Variants in FERMT1 observed in about 807,000 individuals in gnomAD.
FERMT1 encodes the protein fermitin family homolog 1.
In FERMT1, 60 loss-of-function variants were observed where a neutral mutation model predicts 85.3. That is an observed-to-expected ratio of 0.70 (90% CI 0.57 to 0.87). The LOEUF (loss-of-function observed/expected upper bound fraction) is 0.87. Ranked by LOEUF, FERMT1 falls within the 40% of genes least tolerant of loss-of-function variation. The pLI, the probability that FERMT1 is intolerant of heterozygous loss-of-function variation, is 0.00. For missense variants in FERMT1, 701 were observed against 818.9 expected, an observed-to-expected ratio of 0.86 and a Z score of 1.76; for synonymous variants, 275 against 301.1, an observed-to-expected ratio of 0.91 and a Z score of 0.90.
chr20:6,100,678 G>C (rs973662476), intron 6 of FERMT1, among the ~76,000 whole-genome samples: 1 of 152,098 alleles, frequency 6.6e-6, no homozygotes, highest in Non-Finnish European at 1.5e-5. Flanking sequence ...GACACATGAG[G>C]GAATACTTTC....
chr20:6,076,213 C>G lies in FERMT1; in HGVS notation c.*960G>C, dbSNP rs770860248. The G allele has an allele frequency of 3.2e-6, 1 of 315,594 alleles. No individual in the cohort carries two copies. Among genetic ancestry groups the G allele is most frequent in the East Asian group, 8.3e-5 (1 of 12,100 alleles). 19.5% of individuals were successfully genotyped at this position (315,594 alleles called of 1,614,324 possible). ...GGGCAGCCAGTGGGGAGCTGTCAGA[C>G]CTTGGACATGGTGGTCTTTGAGAAT... On this transcript the variant is annotated 3_prime_UTR_variant, in exon 15 of 15. Transcript: ENST00000217289.
rs1454646791 is a variant in FERMT1, at chr20:6,097,630, T to C, written c.851A>G (p.Tyr284Cys). Residue 284 changes from tyrosine (Y) to cysteine (C), a missense_variant and splice_region_variant, in exon 7 of 15, where the codon TAT (tyrosine) becomes TGT (cysteine). Transcript: ENST00000217289. ...GAGTTGGTTTATTCGGACAGCATCA[T>C]ACTAGAGACAAAAACAGAGGTGTGT... ...YYSFFDLNPK[Y>C]DAVRINQLYE... The C allele has an allele frequency of 1.9e-6, 3 of 1,605,216 alleles. No individual in the cohort carries two copies. The highest frequency in any genetic ancestry group is 1.7e-5 in the Admixed American group (1 of 59,994).
intron 6 of FERMT1, among the ~76,000 whole-genome samples, chr20:6,098,006 G>T (rs1361141015): frequency 1.3e-5 from 2 of 151,824 alleles, no homozygotes; most frequent in African/African-American, 2.4e-5. Flanking sequence ...TGTAGAGATG[G>T]TTTCGCCATG....
intron 5 of FERMT1, 99 bp from the exon 6 acceptor site, chr20:6,107,733 T>C: frequency 3.0e-6 from 2 of 655,864 alleles, no homozygotes; most frequent in South Asian, 3.3e-5. Flanking sequence ...TATATATCCT[T>C]GAACAAAATC....
chr20:6,114,057 A>G (rs1203387875), intron 3 of FERMT1, among the ~76,000 whole-genome samples: 1 of 152,208 alleles, frequency 6.6e-6, no homozygotes, highest in Non-Finnish European at 1.5e-5. Flanking sequence ...AGGTAAGTGC[A>G]CTGATTCCAT....
intron 8 of FERMT1, 100 bp downstream of exon 8, chr20:6,096,798 TTTTC>T: frequency 9.6e-7 from 1 of 1,039,852 alleles, no homozygotes; most frequent in Non-Finnish European, 1.4e-6. Flanking sequence ...TTTTTTTTTT[TTTTC>T]AAAATCAGAT....
intron 9 of FERMT1, among the ~76,000 whole-genome samples, chr20:6,091,735 C>CTA (rs1982374837): frequency 6.6e-6 from 1 of 152,136 alleles, no homozygotes; most frequent in Non-Finnish European, 1.5e-5. Flanking sequence ...ATCAAGAGAT[C>CTA]TCAAGTTCCT....
At chr20:6,081,079 G>A (rs1274794987) in intron 13 of FERMT1, among the ~76,000 whole-genome samples, 1 of 152,106 alleles carries the variant, frequency 6.6e-6, no homozygotes, top group South Asian at 2.1e-4. Flanking sequence ...TTGAAGCCAA[G>A]AGATTGAGAG....
chr20:6,108,009 G>A (rs1005056951), intron 5 of FERMT1, among the ~76,000 whole-genome samples: 6 of 152,168 alleles, frequency 3.9e-5, no homozygotes, highest in Admixed American at 3.9e-4. Flanking sequence ...GGGGCTACAG[G>A]TGCATGCCAC....
chr20:6,077,217 G>A lies in FERMT1; in HGVS notation c.1990C>T (p.Leu664Phe), dbSNP rs771166313. Residue 664 changes from leucine to phenylalanine, a missense_variant, in exon 15 of 15, where the codon CTC becomes TTC. Physicochemically the swap from Leu to Phe is conservative, Grantham distance 22. Transcript: ENST00000217289. ...AATTTGTGGAACAAGTCCTCATCGA[G>A]TGTTTCATTCTGGTCCTTGGAGCGG... ...STRSKDQNET[L>F]DEDLFHKLTG... The A allele has an allele frequency of 1.7e-5, 28 of 1,614,076 alleles. No homozygotes were observed. The highest frequency in any genetic ancestry group is 2.2e-5 in the East Asian group (1 of 44,902).
chr20:6,105,680 A>G (rs1271628677), intron 6 of FERMT1, among the ~76,000 whole-genome samples: 3 of 152,224 alleles, frequency 2.0e-5, no homozygotes, highest in African/African-American at 7.2e-5. Context: ...AGTCCTATGT[A>G]TTTTATCTCA....
intron 9 of FERMT1, among the ~76,000 whole-genome samples, chr20:6,090,537 C>T (rs1982327590): frequency 1.3e-5 from 2 of 151,656 alleles, no homozygotes; most frequent in Admixed American, 6.6e-5. Context: ...AGAGAATTGC[C>T]TGAGGCCAGG....
At chr20:6,095,366 G>GA (rs1216436802) in intron 8 of FERMT1, among the ~76,000 whole-genome samples, 1 of 151,950 alleles carries the variant, frequency 6.6e-6, no homozygotes, top group Non-Finnish European at 1.5e-5. Context: ...AAAACGAGAT[G>GA]AAAAAAATGA....
chr20:6,110,642 C>T lies in FERMT1; in HGVS notation c.533-131G>A. 9.1e-6 allele frequency: 7 copies of T among 767,342 alleles called. No individual in the cohort carries two copies. In the South Asian group the frequency reaches 1.1e-4, roughly 12 times the overall value. The allele number at this position is 767,342 out of a possible 1,614,324, so 47.5% of individuals were successfully genotyped here. A position where few individuals can be genotyped will look rare whatever the true frequency, so the allele number is the denominator to read the frequency against. ...TGGCACCATTTAAAATAATATAAGT[C>T]AAGCTGGGCACTGTGGCCCGCGTCT... On this transcript the variant is annotated intron_variant, in intron 4 of 14. Transcript: ENST00000217289.
chr20:6,077,498 T>G (rs559685529), intron 14 of FERMT1, 152 bp from the exon 15 acceptor site: 25 of 745,076 alleles, frequency 3.4e-5, no homozygotes, highest in African/African-American at 3.4e-4. Context: ...TCACTTCCAT[T>G]AAACGCTTCC....
At chr20:6,115,778 TACAGGGC>T (rs773670269) in intron 3 of FERMT1, 26 bp downstream of exon 3, 1 of 1,508,080 alleles carries the variant, frequency 6.6e-7, no homozygotes, top group Non-Finnish European at 9.2e-7. Context: ...TGCAAGAGTC[TACAGGGC>T]ACAGGGGCCT....
chr20:6,112,556 T>TTTC lies in FERMT1; in HGVS notation c.450_452dup (p.Lys152dup). The TTTC allele has an allele frequency of 6.2e-7, 1 of 1,609,716 alleles. No homozygotes were observed. The highest frequency in any genetic ancestry group is 8.5e-7 in the Non-Finnish European group (1 of 1,177,502). On this transcript the variant is annotated inframe_insertion, in exon 4 of 15. Coordinates refer to ENST00000217289, the MANE Select transcript of FERMT1 (RefSeq NM_017671.5). ...TGGGTTCCTTATTATTTTTGTCTTTTTTCTTCTTCTTCTTAAAATAGTCAC... is the reference window on the plus strand; with the variant it reads ...TGGGTTCCTTATTATTTTTGTCTTTTTTCTTCTTCTTCTTCTTAAAATAGTCAC...
rs1286336635 is a variant in FERMT1 at position 6,076,377 on chromosome 20, G to A, written c.*796C>T. 2.0e-6 allele frequency: 1 copy of A among 497,014 alleles called. No homozygotes were observed. The highest frequency in any genetic ancestry group is 4.0e-6 in the Non-Finnish European group (1 of 249,156). The allele number at this position is 497,014 out of a possible 1,614,324, so 30.8% of individuals were successfully genotyped here. ...CCAGAGTAGAAGCAGTGGAGACATG[G>A]ATCTGGGTTGAGAAATGGGTTTTCC... On this transcript the variant is annotated 3_prime_UTR_variant, in exon 15 of 15. Transcript: ENST00000217289.
rs1433586125 is a variant in FERMT1 at position 6,115,989 on chromosome 20, C to T, written c.207G>A (p.Trp69Ter). ...CCAGGGTCCAGTGGGTTTTCAGAAGCCAGCAATGCTTCTGTTCCCACCAAA... is the reference window on the plus strand; with the variant it reads ...CCAGGGTCCAGTGGGTTTTCAGAAGTCAGCAATGCTTCTGTTCCCACCAAA... Reference protein sequence around the residue: ...FALWWEQKHCWLLKTHWTLDK... With the variant: ...FALWWEQKHC The change falls in exon 3 of 15, where the codon TGG becomes TGA. Residue 69 changes from tryptophan to a stop codon, truncating the protein, a stop_gained. Coordinates refer to ENST00000217289, the MANE Select transcript of FERMT1 (RefSeq NM_017671.5). LOFTEE classifies it high-confidence loss of function. The T allele has an allele frequency of 3.1e-6, 5 of 1,614,120 alleles. No homozygotes were observed. Among genetic ancestry groups the T allele is most frequent in the Non-Finnish European group, 4.2e-6 (5 of 1,180,020 alleles).
Sources: allele counts gnomAD v4.1 joint callset (sites outside exome capture counted in the v4.1 genomes callset), GRCh38; gene constraint gnomAD v4.1.1; transcripts MANE v1.5; gene names NCBI Gene and HGNC (gene_info 2026-07-23, HGNC 2026-07-21).